UTP20: variants seen among roughly 807,000 people sequenced by gnomAD.
UTP20 encodes the protein UTP20 small subunit processome component.
UTP20 carries 164 observed loss-of-function variants against 329.5 expected under a neutral mutation model. That is an observed-to-expected ratio of 0.50 (90% CI 0.44 to 0.57). The LOEUF (loss-of-function observed/expected upper bound fraction) is 0.57, where lower values mean the gene tolerates loss of function less well. UTP20 is among the 20% of genes least tolerant of loss of function. The pLI, the probability that UTP20 is intolerant of heterozygous loss-of-function variation, is 0.00. For synonymous variants in UTP20, 1,151 were observed against 1,159.3 expected, an observed-to-expected ratio of 0.99 and a Z score of 0.14; for missense variants, 3,055 against 3,284.2, an observed-to-expected ratio of 0.93 and a Z score of 1.71.
intron 2 of UTP20, among the ~76,000 whole-genome samples, chr12:101,282,741 C>T (rs1369943611): frequency 1.3e-5 from 2 of 152,146 alleles, no homozygotes; most frequent in African/African-American, 2.4e-5. Flanking sequence ...TTTTAAGGTC[C>T]TGTGTAACAT....
rs549940084 is a variant in UTP20 at position 101,290,024 on chromosome 12, AT to A, written c.598-107del. 363 of 837,854 alleles carry A rather than the reference AT, an allele frequency of 4.3e-4. 1 individual carries two copies. The African/African-American group carries it at 5.8e-3, about 13-fold the overall frequency. 51.9% of individuals were successfully genotyped at this position (837,854 alleles called of 1,614,324 possible). The stretch of plus-strand genomic sequence containing the variant: ...ATTACAAATGTCTGTTCTTTTCACA[AT>A]TTTTTCCTAAGTATATTTAAATAAC... On this transcript the variant is annotated intron_variant, in intron 6 of 61. Transcript: ENST00000261637.
rs1870571367 is a variant in UTP20, at chr12:101,379,340, G to A, written c.7397-31G>A. The A allele has an allele frequency of 2.6e-6, 4 of 1,556,556 alleles. No individual in the cohort carries two copies. The African/African-American group carries it at 4.1e-5, about 16-fold the overall frequency. On this transcript the variant is annotated intron_variant, in intron 56 of 61. Coordinates refer to ENST00000261637, the MANE Select transcript of UTP20 (RefSeq NM_014503.3). ...TTACCTCTAATCAGGAAGGCCATGT[G>A]ACATCCACAAATGCTTTTTGGTTCC...
At position 101,317,414 on chromosome 12, in the gene UTP20, A is replaced by T. The variant is rs1019857186; in HGVS notation, c.2553-64A>T. 4 of 1,554,820 alleles carry T rather than the reference A, an allele frequency of 2.6e-6. No homozygotes were observed. The African/African-American group carries it at 5.4e-5, about 21-fold the overall frequency. On this transcript the variant is annotated intron_variant, in intron 21 of 61. Coordinates refer to ENST00000261637, the MANE Select transcript of UTP20 (RefSeq NM_014503.3). ...ACTGTGGACATCTCTCATGAACAGA[A>T]TCAGCACCTTTCAGATTGGTGTGCG...
At position 101,295,584 on chromosome 12, in the gene UTP20, C is replaced by A; in HGVS notation, c.1356C>A (p.Asn452Lys). The change falls in exon 12 of 62, where the codon AAC becomes AAA. Residue 452 changes from asparagine (N) to lysine (K), a missense_variant. By Grantham distance (94) the Asn-to-Lys change is moderately conservative. Around this residue, in one of 3 missense-constraint regions of UTP20, gnomAD observed 2,445 missense variants for 2,575.5 expected, o/e 0.95. Transcript: ENST00000261637. ...ALAILAKLIL[N>K]KAAPPTAGSM... ...CCATTCTGGCCAAGCTCATTCTGAA[C>A]AAAGCAGCACCTCCCACTGCTGGCT... 1 of 1,613,656 alleles carries A rather than the reference C, an allele frequency of 6.2e-7. No homozygotes were observed. Among genetic ancestry groups the A allele is most frequent in the Non-Finnish European group, 8.5e-7 (1 of 1,179,864 alleles).
Position 101,312,138 on chromosome 12 carries a change from T to C in UTP20, c.2414T>C (p.Leu805Ser). Reference sequence around the variant, plus strand: ...GTTGGAGCTCTTTATCATGAGCAGTTAGCATTGAAAACTGACTGTCAGGAA... The same window carrying C: ...GTTGGAGCTCTTTATCATGAGCAGTCAGCATTGAAAACTGACTGTCAGGAA... ...GDVGALYHEQ[L>S]ALKTDCQERL... The change falls in exon 21 of 62, where the codon TTA (leucine) becomes TCA (serine). Residue 805 changes from leucine to serine, a missense_variant. Leu to Ser is a moderately radical substitution (Grantham distance 145). Coordinates refer to ENST00000261637, the MANE Select transcript of UTP20 (RefSeq NM_014503.3). The C allele has an allele frequency of 6.2e-7, 1 of 1,614,242 alleles. No homozygotes were observed.
At chr12:101,311,996 G>C in intron 20 of UTP20, 40 bp from the exon 21 acceptor site, 4 of 1,611,888 alleles carry the variant, frequency 2.5e-6, no homozygotes, top group Non-Finnish European at 1.7e-6. Flanking sequence ...GATAAATGTT[G>C]ATATTTGTCT....
In UTP20 at chr12:101,327,829, A is replaced by G. The variant is rs145638573; in HGVS notation, c.3208+582A>G. Among the ~76,000 whole-genome samples, 51 of 152,324 alleles carry G rather than the reference A, an allele frequency of 3.3e-4. 1 individual carries two copies. Among genetic ancestry groups the G allele is most frequent in the Non-Finnish European group, 5.7e-4 (39 of 68,022 alleles). ...ATTATTAATAACAGTAATGACTAAC[A>G]TGTATTGAGTGCTTACTTTATGCCA... is the stretch of plus-strand genomic sequence containing the variant. On this transcript the variant is annotated intron_variant, in intron 26 of 61. Transcript: ENST00000261637.
chr12:101,299,556 A>AACC (rs771993349), intron 12 of UTP20, 126 bp from the exon 13 acceptor site: 27 of 868,244 alleles, frequency 3.1e-5, no homozygotes, highest in Non-Finnish European at 4.2e-5. Context: ...TGTTTAGCTC[A>AACC]ACCACCACCA....
intron 54 of UTP20, among the ~76,000 whole-genome samples, 197 bp from the exon 55 acceptor site, chr12:101,374,611 T>C (rs913909229): frequency 5.3e-5 from 8 of 152,248 alleles, no homozygotes; most frequent in Non-Finnish European, 1.0e-4. Context: ...TTTAAAATGT[T>C]ATTCTTGAGT....
At position 101,295,627 on chromosome 12, in the gene UTP20, T is replaced by A; in HGVS notation, c.1399T>A (p.Tyr467Asn). 6.2e-7 allele frequency: 1 copy of A among 1,610,456 alleles called. No homozygotes were observed. Among genetic ancestry groups the A allele is most frequent in the Non-Finnish European group, 8.5e-7 (1 of 1,177,490 alleles). The change falls in exon 12 of 62, where the codon TAC becomes AAC. Residue 467 changes from tyrosine (Y) to asparagine (N), a missense_variant. Physicochemically the swap from Tyr to Asn is moderately radical, Grantham distance 143 (BLOSUM62 -2). Around this residue, in one of 3 missense-constraint regions of UTP20, gnomAD observed 2,445 missense variants for 2,575.5 expected, o/e 0.95. Coordinates refer to ENST00000261637, the MANE Select transcript of UTP20 (RefSeq NM_014503.3). ...TGCTGGCTCGATGGCAATTGAAAAG[T>A]ACCCTCTGGTTTTCTCACCGCAGAT... Reference protein sequence around the residue: ...PTAGSMAIEKYPLVFSPQMVG... With the variant: ...PTAGSMAIEKNPLVFSPQMVG...
At chr12:101,362,739 T>A (rs1348100965) in intron 44 of UTP20, among the ~76,000 whole-genome samples, 8 of 132,892 alleles carry the variant, frequency 6.0e-5, no homozygotes. Context: ...GATAGTATAC[T>A]AATTTGGAGG....
intron 56 of UTP20, among the ~76,000 whole-genome samples, chr12:101,377,840 T>C (rs1293471717): frequency 2.6e-5 from 4 of 152,186 alleles, no homozygotes. Context: ...TTTAAGTCCT[T>C]TACCAGCATT....
chr12:101,334,307 A>G (rs1420007840), intron 28 of UTP20, 118 bp from the exon 29 acceptor site: 3 of 767,600 alleles, frequency 3.9e-6, no homozygotes, highest in Non-Finnish European at 6.1e-6. Flanking sequence ...TTGGATGTTC[A>G]TCTCTGTCCC....
chr12:101,326,531 G>GTA (rs1171330108), intron 25 of UTP20, among the ~76,000 whole-genome samples: 1 of 93,772 alleles, frequency 1.1e-5, no homozygotes, highest in Admixed American at 1.1e-4. Context: ...TTATATTTAT[G>GTA]TGTTTTCCTG....
chr12:101,333,156 T>TGTTC (rs1419030041), intron 27 of UTP20, 145 bp from the exon 28 acceptor site: 1 of 741,990 alleles, frequency 1.3e-6, no homozygotes, highest in African/African-American at 1.8e-5. Context: ...GCTTGGTTGG[T>TGTTC]GTTCCCATGT....
chr12:101,381,728 C>T (rs1279989276), intron 58 of UTP20, among the ~76,000 whole-genome samples: 1 of 151,608 alleles, frequency 6.6e-6, no homozygotes, highest in African/African-American at 2.4e-5. Flanking sequence ...TTTAAAATTC[C>T]CAATAAGGGT....
chr12:101,333,317 T>C lies in UTP20; in HGVS notation c.3434T>C (p.Ile1145Thr). 2 of 1,613,744 alleles carry C rather than the reference T, an allele frequency of 1.2e-6. No homozygotes were observed. Among genetic ancestry groups the C allele is most frequent in the South Asian group, 2.2e-5 (2 of 90,974 alleles). Reference sequence around the variant, plus strand: ...GTTTTACAGATACAGCTGAGATTTATTAATCCATTGAAAAATTTAAGACGT... The same window carrying C: ...GTTTTACAGATACAGCTGAGATTTACTAATCCATTGAAAAATTTAAGACGT... The part of the protein sequence containing the change: ...DQREKIQLRF[I>T]NPLKNLRRLG... The change falls in exon 28 of 62, where the codon ATT (isoleucine) becomes ACT (threonine). Residue 1145 changes from isoleucine (I) to threonine (T), a missense_variant. This residue lies in a region of UTP20 where 2,445 missense variants were observed against 2,575.5 expected (regional missense o/e 0.95). Transcript: ENST00000261637.
chr12:101,317,083 A>G (rs1252636314), intron 21 of UTP20, among the ~76,000 whole-genome samples: 1 of 152,200 alleles, frequency 6.6e-6, no homozygotes, highest in African/African-American at 2.4e-5. Flanking sequence ...ACTTTGGCAA[A>G]GTAGAATGTA....
At position 101,333,416 on chromosome 12, in the gene UTP20, C is replaced by G; in HGVS notation, c.3533C>G (p.Ala1178Gly). The G allele has an allele frequency of 6.2e-7, 1 of 1,613,924 alleles. No homozygotes were observed. Among genetic ancestry groups the G allele is most frequent in the Non-Finnish European group, 8.5e-7 (1 of 1,179,974 alleles). ...CAGTTTAGAACAGAAGAAATTGATG[C>G]TGTGTTTCATGGTGCAGTTTGGCCC... ...SYQFRTEEID[A>G]VFHGAVWPQI... is the part of the protein sequence containing the mutation. Residue 1178 changes from alanine to glycine, a missense_variant, in exon 28 of 62, where the codon GCT (alanine) becomes GGT (glycine). By Grantham distance (60) the Ala-to-Gly change is moderately conservative. This residue lies in a region of UTP20 where 2,445 missense variants were observed against 2,575.5 expected (regional missense o/e 0.95). Transcript: ENST00000261637.
Sources: gnomAD v4.1 joint callset for allele counts (sites outside exome capture counted in the v4.1 genomes callset) on GRCh38, gnomAD v4.1.1 for gene constraint, gnomAD v4.1.1 regional missense constraint, MANE v1.5 for transcripts, NCBI Gene and HGNC (gene_info 2026-07-23, HGNC 2026-07-21) for gene names.